Variants in TRAPPC10 observed in about 807,000 individuals in gnomAD.
The protein encoded by TRAPPC10 is TRAPP 130 kDa subunit.
A neutral mutation model predicts 125.5 loss-of-function variants in TRAPPC10; 23 were observed. The observed-to-expected ratio is 0.18, with a 90% CI of 0.13 to 0.26. The LOEUF (loss-of-function observed/expected upper bound fraction) is 0.26. Among genes scored for constraint, TRAPPC10 ranks in the 10% least tolerant of loss-of-function variants. The pLI is 1.00. For missense variants in TRAPPC10, 1,123 were observed against 1,308.4 expected, an observed-to-expected ratio of 0.86 and a Z score of 2.19; for synonymous variants, 509 against 518.0, an observed-to-expected ratio of 0.98 and a Z score of 0.24.
At chr21:44,065,212 G>C (rs2036353401) in intron 7 of TRAPPC10, among the ~76,000 whole-genome samples, 1 of 152,158 alleles carries the variant, frequency 6.6e-6, no homozygotes, top group South Asian at 2.1e-4. Flanking sequence ...TTACCTTGTG[G>C]CTGGAAGGAG....
At chr21:44,039,443 C>A (rs995037238) in intron 3 of TRAPPC10, among the ~76,000 whole-genome samples, 2 of 152,176 alleles carry the variant, frequency 1.3e-5, no homozygotes, top group African/African-American at 4.8e-5. Flanking sequence ...AGCTCGTTGC[C>A]CTTGTGCTGG....
At chr21:44,068,101 AGAGT>A (rs1191228608) in intron 7 of TRAPPC10, among the ~76,000 whole-genome samples, 2 of 151,208 alleles carry the variant, frequency 1.3e-5, no homozygotes, top group Admixed American at 6.6e-5. Context: ...ACTGGGCAAA[AGAGT>A]GAGACTCCGT....
chr21:44,087,108 G>GGGGACCGC lies in TRAPPC10; in HGVS notation c.2539+148_2539+149insGGGACCGC, dbSNP rs2038189149. On this transcript the variant is annotated intron_variant, in intron 16 of 22. Transcript: ENST00000291574. This position sits in a 1 kb window ranked among gnomAD's most constrained non-coding sequence, Gnocchi z 4.6. ...GTGTTCCATAGGAGCCCTGCGGCCT[G>GGGGACCGC]ATGCCTGTGCTGGGGTCCCATCTGA... is the stretch of plus-strand genomic sequence containing the variant. 1 of 887,532 alleles carries GGGGACCGC rather than the reference G, an allele frequency of 1.1e-6. No homozygotes were observed. The highest frequency in any genetic ancestry group is 1.7e-6 in the Non-Finnish European group (1 of 593,014). The allele number at this position is 887,532 out of a possible 1,614,324, so 55.0% of individuals were successfully genotyped here.
intron 5 of TRAPPC10, 68 bp downstream of exon 5, chr21:44,055,961 C>T (rs1601684711): frequency 4.4e-6 from 6 of 1,366,616 alleles, no homozygotes; most frequent in Middle Eastern, 1.9e-4. Context: ...TCCCTCTCTC[C>T]TCCTTTCTTT....
rs1170332766 is a variant in TRAPPC10, at chr21:44,089,762, G to T, written c.2770-71G>T. On this transcript the variant is annotated intron_variant, in intron 17 of 22. Coordinates refer to ENST00000291574, the MANE Select transcript of TRAPPC10 (RefSeq NM_003274.5). Reference sequence around the variant, plus strand: ...GTGGGCGGGCACTGCAGGTGAGTCTGGGCAGCAGTGGTGGTGGCTGTGCTG... The same window carrying T: ...GTGGGCGGGCACTGCAGGTGAGTCTTGGCAGCAGTGGTGGTGGCTGTGCTG... 1.4e-5 allele frequency: 17 copies of T among 1,183,834 alleles called. No homozygotes were observed. In the Admixed American group the frequency reaches 2.3e-4, roughly 16 times the overall value. The allele number at this position is 1,183,834 out of a possible 1,614,324, so 73.3% of individuals were successfully genotyped here. A position where few individuals can be genotyped will look rare whatever the true frequency, so the allele number is the denominator to read the frequency against.
intron 20 of TRAPPC10, among the ~76,000 whole-genome samples, chr21:44,094,895 T>C (rs934032230): frequency 3.3e-5 from 5 of 152,130 alleles, no homozygotes; most frequent in Non-Finnish European, 7.4e-5. Context: ...TAGCAGTTTT[T>C]TTCTATCTTC....
chr21:44,076,676 T>G, intron 10 of TRAPPC10, 48 bp downstream of exon 10: 3 of 1,503,408 alleles, frequency 2.0e-6, no homozygotes, highest in Non-Finnish European at 2.8e-6. Flanking sequence ...TACCTGTCTC[T>G]AGAAGGCTTT....
intron 19 of TRAPPC10, 108 bp from the exon 20 acceptor site, chr21:44,093,955 A>G (rs530609724): frequency 1.7e-6 from 2 of 1,192,034 alleles, no homozygotes; most frequent in East Asian, 2.4e-5. Context: ...GGGCCTGCCC[A>G]TGGTGTCTGC....
chr21:44,061,559 A>G (rs934380178), intron 6 of TRAPPC10, among the ~76,000 whole-genome samples: 1 of 152,136 alleles, frequency 6.6e-6, no homozygotes, highest in African/African-American at 2.4e-5. Flanking sequence ...GAGCCACCGC[A>G]CCTGGCCTGT....
In TRAPPC10 at chr21:44,052,280, G is replaced by A; in HGVS notation, c.286G>A (p.Asp96Asn). The change falls in exon 4 of 23, where the codon GAT becomes AAT. Residue 96 changes from aspartate (D) to asparagine (N), a missense_variant and splice_region_variant. Asp to Asn is a conservative substitution (Grantham distance 23). Transcript: ENST00000291574. ...FLHIYWTECCDTEVYKATVKD... is the reference protein window; with the variant it reads ...FLHIYWTECCNTEVYKATVKD... The stretch of plus-strand genomic sequence containing the variant: ...TTCACAGTGACTTGTTTGTTTTTAG[G>A]ATACCGAAGTGTATAAAGCTACAGT... The A allele has an allele frequency of 6.4e-7, 1 of 1,570,718 alleles. No individual in the cohort carries two copies. Among genetic ancestry groups the A allele is most frequent in the East Asian group, 2.3e-5 (1 of 44,226 alleles).
intron 1 of TRAPPC10, among the ~76,000 whole-genome samples, chr21:44,018,526 C>T (rs932850653): frequency 1.3e-5 from 2 of 152,068 alleles, no homozygotes; most frequent in African/African-American, 2.4e-5. Context: ...TGGTGAAACC[C>T]CGTCTCTACT....
chr21:44,073,780 G>C (rs147958183), intron 7 of TRAPPC10, among the ~76,000 whole-genome samples: 2 of 152,138 alleles, frequency 1.3e-5, no homozygotes, highest in East Asian at 1.9e-4. Flanking sequence ...TCTTTATCAC[G>C]CCTGAAGAGT....
rs1042745333 is a variant in TRAPPC10, at chr21:44,012,648, C to T, written c.67+88C>T. 69 of 1,212,586 alleles carry T rather than the reference C, an allele frequency of 5.7e-5. 2 individuals are homozygous for T. Among genetic ancestry groups the T allele is most frequent in the East Asian group, 8.9e-5 (3 of 33,588 alleles). 75.1% of individuals were successfully genotyped at this position (1,212,586 alleles called of 1,614,324 possible). A position where few individuals can be genotyped will look rare whatever the true frequency, so the allele number is the denominator to read the frequency against. On this transcript the variant is annotated intron_variant, in intron 1 of 22. Coordinates refer to ENST00000291574, the MANE Select transcript of TRAPPC10 (RefSeq NM_003274.5). The stretch of plus-strand genomic sequence containing the variant: ...GCACCCGGCGCCCCCAGACCTTCAG[C>T]CCCCGGCGCGCTCCGGGCTGGGCCG...
chr21:44,048,944 A>G (rs942524706), intron 3 of TRAPPC10, among the ~76,000 whole-genome samples: 3 of 152,032 alleles, frequency 2.0e-5, no homozygotes, highest in African/African-American at 7.3e-5. Context: ...AATAATTAAT[A>G]TCATTGATGT....
chr21:44,044,108 A>G (rs1206427988), intron 3 of TRAPPC10, among the ~76,000 whole-genome samples: 1 of 152,218 alleles, frequency 6.6e-6, no homozygotes, highest in African/African-American at 2.4e-5. Context: ...TTTGATTGGG[A>G]TTGCCTTGAA....
intron 3 of TRAPPC10, among the ~76,000 whole-genome samples, chr21:44,047,933 T>C (rs937604209): frequency 6.6e-6 from 1 of 152,212 alleles, no homozygotes; most frequent in African/African-American, 2.4e-5. Flanking sequence ...GATTGATTTT[T>C]CCTTTTGAGT....
rs1287962112 is a variant in TRAPPC10, at chr21:44,079,559, G to A, written c.1470-5G>A. 2 of 1,586,768 alleles carry A rather than the reference G, an allele frequency of 1.3e-6. No homozygotes were observed. Among genetic ancestry groups the A allele is most frequent in the Non-Finnish European group, 1.7e-6 (2 of 1,173,566 alleles). ...ATGAAAGCTACTGTTTGTTGACTTT[G>A]CAAGGAGGAAAAAGGCTCCACAAAA... On this transcript the variant is annotated splice_polypyrimidine_tract_variant and splice_region_variant and intron_variant, in intron 11 of 22. Coordinates refer to ENST00000291574, the MANE Select transcript of TRAPPC10 (RefSeq NM_003274.5).
chr21:44,089,879 T>G lies in TRAPPC10; in HGVS notation c.2816T>G (p.Leu939Arg). The change falls in exon 18 of 23, where the codon CTG (leucine) becomes CGG (arginine). Residue 939 changes from leucine to arginine, a missense_variant. By Grantham distance (102) the Leu-to-Arg change is moderately radical. Around this residue, in one of 4 missense-constraint regions of TRAPPC10, gnomAD observed 840 missense variants for 902.0 expected, o/e 0.93. Transcript: ENST00000291574. ...PWSIYSTVIA[L>R]TFSVPFRTTH... ...TCCATCTACTCCACAGTCATCGCAC[T>G]GACCTTCAGCGTACCCTTCAGGACC... 6.2e-7 allele frequency: 1 copy of G among 1,613,990 alleles called. No individual in the cohort carries two copies.
rs189735120 is a variant in TRAPPC10 at position 44,082,584 on chromosome 21, C to T, written c.1724-204C>T. 1.3e-5 allele frequency among the ~76,000 whole-genome samples: 2 copies of T among 152,176 alleles called. No homozygotes were observed. Among genetic ancestry groups the T allele is most frequent in the African/African-American group, 2.4e-5 (1 of 41,512 alleles). ...TACATTTTATGATTTCTAGGCATTACGTAGGTATTTGCTAATATTCTGCTT... is the reference window on the plus strand; with the variant it reads ...TACATTTTATGATTTCTAGGCATTATGTAGGTATTTGCTAATATTCTGCTT... On this transcript the variant is annotated intron_variant, in intron 13 of 22. Coordinates refer to ENST00000291574, the MANE Select transcript of TRAPPC10 (RefSeq NM_003274.5). This position sits in a 1 kb window ranked among gnomAD's most constrained non-coding sequence, Gnocchi z 4.4.
Sources: gnomAD v4.1 joint callset for allele counts (sites outside exome capture counted in the v4.1 genomes callset) on GRCh38, gnomAD v4.1.1 for gene constraint, gnomAD v4.1.1 regional missense constraint, Gnocchi (gnomAD v3.1) non-coding constraint, MANE v1.5 for transcripts, NCBI Gene and HGNC (gene_info 2026-07-23, HGNC 2026-07-21) for gene names.